Variants in PRTN3 observed in about 807,000 individuals in gnomAD.
PRTN3 encodes the protein proteinase 3.
Under a neutral mutation model 20.7 loss-of-function variants are expected in PRTN3, and 22 were observed. That is an observed-to-expected ratio of 1.06 (90% CI 0.76 to 1.52). The LOEUF (loss-of-function observed/expected upper bound fraction) is 1.52, where lower values mean the gene tolerates loss of function less well. Among genes scored for constraint, PRTN3 ranks in the 40% most tolerant of loss-of-function variants. PRTN3 has a pLI of 0.00. For missense variants in PRTN3, 378 were observed against 359.6 expected (o/e 1.05, Z -0.41); for synonymous variants, 173 against 152.9 (o/e 1.13, Z -0.97).
At chr19:843,425 T>TG in intron 1 of PRTN3, 36 bp from the exon 2 acceptor site, 4 of 1,514,620 alleles carry the variant, frequency 2.6e-6, no homozygotes, top group Non-Finnish European at 3.5e-6. Context: ...CCCTGCAGCC[T>TG]GGGGGCTCCC....
At chr19:842,629 C>T (rs2035461353) in intron 1 of PRTN3, among the ~76,000 whole-genome samples, 1 of 127,654 alleles carries the variant, frequency 7.8e-6, no homozygotes, top group Non-Finnish European at 1.6e-5. Flanking sequence ...CATTCTGTTG[C>T]CAGGCTGGAG....
rs546089443 is a variant in PRTN3, at chr19:847,915, C to T, written c.717C>T (p.Tyr239=). Residue 239 remains tyrosine, a synonymous_variant, in exon 5 of 5, where the codon TAC becomes TAT. Coordinates refer to ENST00000234347, the MANE Select transcript of PRTN3 (RefSeq NM_002777.4). ...FPDFFTRVAL[Y]VDWIRSTLRR... The stretch of plus-strand genomic sequence containing the variant: ...ACTTCTTCACGCGGGTAGCCCTCTA[C>T]GTGGACTGGATCCGTTCCACGCTGC... 111 of 1,608,168 alleles carry T rather than the reference C, an allele frequency of 6.9e-5. No individual in the cohort carries two copies. Among genetic ancestry groups the T allele is most frequent in the South Asian group, 2.8e-4 (25 of 89,866 alleles).
At chr19:841,173 A>C in intron 1 of PRTN3, 104 bp downstream of exon 1, 3 of 1,428,566 alleles carry the variant, frequency 2.1e-6, no homozygotes, top group African/African-American at 2.8e-5. Flanking sequence ...ACAGCTGGGG[A>C]AACTGAGGCA....
intron 1 of PRTN3, among the ~76,000 whole-genome samples, chr19:841,508 G>C (rs570318457): frequency 6.8e-6 from 1 of 147,422 alleles, no homozygotes; most frequent in African/African-American, 2.5e-5. Flanking sequence ...GAGTGAATGA[G>C]TGAACGAATG....
At chr19:841,177 T>A in intron 1 of PRTN3, 108 bp downstream of exon 1, 2 of 1,409,504 alleles carry the variant, frequency 1.4e-6, no homozygotes, top group East Asian at 2.5e-5. Context: ...CTGGGGAAAC[T>A]GAGGCAGGGT....
At chr19:843,783 C>G in intron 2 of PRTN3, 110 bp from the exon 3 acceptor site, 1 of 1,455,010 alleles carries the variant, frequency 6.9e-7, no homozygotes, top group South Asian at 1.4e-5. Context: ...AGGCCCGGGG[C>G]AGGGTCGCCG....
intron 1 of PRTN3, chr19:843,209 C>T: frequency 1.9e-6 from 1 of 522,006 alleles, no homozygotes; most frequent in Non-Finnish European, 3.4e-6. Flanking sequence ...AGCCACTGCA[C>T]CCAGCCACCT....
At position 843,469 on chromosome 19, in the gene PRTN3, C is replaced by A. The variant is rs949121672; in HGVS notation, c.70C>A (p.Arg24=). The part of the protein sequence containing the change: ...LLALLLSGAA[R]AAEIVGGHEA... ...GGACTCCCCCCCTGCAGGTGCTGCC[C>A]GAGCTGCGGAGATCGTGGGCGGGCA... The change falls in exon 2 of 5, where the codon CGA becomes AGA. Residue 24 remains arginine, a synonymous_variant. Coordinates refer to ENST00000234347, the MANE Select transcript of PRTN3 (RefSeq NM_002777.4). 1.0e-5 allele frequency: 16 copies of A among 1,566,918 alleles called. No individual in the cohort carries two copies. The highest frequency in any genetic ancestry group is 1.2e-5 in the Non-Finnish European group (14 of 1,161,148).
chr19:845,636 C>G (rs889897197), intron 3 of PRTN3, among the ~76,000 whole-genome samples: 2 of 151,640 alleles, frequency 1.3e-5, no homozygotes, highest in African/African-American at 4.8e-5. Flanking sequence ...ATTGCTTGAA[C>G]CCAGGAGGCA....
intron 4 of PRTN3, 44 bp from the exon 5 acceptor site, chr19:847,755 C>T (rs1377800869): frequency 1.3e-6 from 2 of 1,566,228 alleles, no homozygotes; most frequent in Non-Finnish European, 1.7e-6. Context: ...TCCAGGGAGA[C>T]TCAGGTGGCC....
At chr19:845,713 TCAA>T (rs2035507276) in intron 3 of PRTN3, among the ~76,000 whole-genome samples, 1 of 85,760 alleles carries the variant, frequency 1.2e-5, no homozygotes. Context: ...AAACTCCATC[TCAA>T]AAAAAAAAAA....
Position 848,154 on chromosome 19 carries a change from C to A in PRTN3, c.*185C>A, listed in dbSNP as rs539966516. 2.4e-5 allele frequency: 17 copies of A among 698,964 alleles called. No individual in the cohort carries two copies. In the Admixed American group the frequency reaches 5.0e-4, roughly 21 times the overall value. The allele number at this position is 698,964 out of a possible 1,614,324, so 43.3% of individuals were successfully genotyped here. A position where few individuals can be genotyped will look rare whatever the true frequency, so the allele number is the denominator to read the frequency against. On this transcript the variant is annotated 3_prime_UTR_variant, in exon 5 of 5. Coordinates refer to ENST00000234347, the MANE Select transcript of PRTN3 (RefSeq NM_002777.4). Reference sequence around the variant, plus strand: ...GGCCCTGCACCTCACCCCACCGTGACCTCAATAAACGTTGAAACTCCCCCT... The same window carrying A: ...GGCCCTGCACCTCACCCCACCGTGAACTCAATAAACGTTGAAACTCCCCCT...
intron 3 of PRTN3, among the ~76,000 whole-genome samples, chr19:844,975 TCTCA>T (rs199970843): frequency 0.014 from 1,885 of 134,664 alleles, 43 homozygotes; most frequent in African/African-American, 0.05. Flanking sequence ...TTAGACAGAG[TCTCA>T]CTCAGTCATC....
At position 846,277 on chromosome 19, in the gene PRTN3, C is replaced by T; in HGVS notation, c.500C>T (p.Ala167Val). The T allele has an allele frequency of 6.3e-7, 1 of 1,587,132 alleles. No homozygotes were observed. Among genetic ancestry groups the T allele is most frequent in the South Asian group, 1.1e-5 (1 of 87,082 alleles). The change falls in exon 4 of 5, where the codon GCC becomes GTC. Residue 167 changes from alanine to valine, a missense_variant. Ala to Val is a moderately conservative substitution (Grantham distance 64). Transcript: ENST00000234347. Reference sequence around the variant, plus strand: ...CGCGTGGGTGCCCACGACCCCCCAGCCCAGGTCCTGCAGGAGCTCAATGTC... The same window carrying T: ...CGCGTGGGTGCCCACGACCCCCCAGTCCAGGTCCTGCAGGAGCTCAATGTC... ...WGRVGAHDPP[A>V]QVLQELNVTV... is the part of the protein sequence containing the mutation.
Position 846,251 on chromosome 19 carries a change from C to T in PRTN3, c.474C>T (p.Gly158=). Reference sequence around the variant, plus strand: ...CCCAGTGCCTGGCCATGGGCTGGGGCCGCGTGGGTGCCCACGACCCCCCAG... The same window carrying T: ...CCCAGTGCCTGGCCATGGGCTGGGGTCGCGTGGGTGCCCACGACCCCCCAG... ...HGTQCLAMGW[G]RVGAHDPPAQ... is the part of the protein sequence containing the mutation. The change falls in exon 4 of 5, where the codon GGC becomes GGT. Residue 158 remains glycine (G), a synonymous_variant. Transcript: ENST00000234347. 1 of 1,562,924 alleles carries T rather than the reference C, an allele frequency of 6.4e-7. No homozygotes were observed. Among genetic ancestry groups the T allele is most frequent in the Non-Finnish European group, 8.7e-7 (1 of 1,154,852 alleles).
rs1453939710 is a variant in PRTN3, at chr19:841,050, G to T, written c.42G>T (p.Leu14=). ...RPPSPALASV[L]LALLLSGAAR... ...CCAGCCCTGCCCTGGCGTCCGTGCTGCTGGCCTTGCTGCTGAGCGGTGAGT... is the reference window on the plus strand; with the variant it reads ...CCAGCCCTGCCCTGGCGTCCGTGCTTCTGGCCTTGCTGCTGAGCGGTGAGT... The change falls in exon 1 of 5, where the codon CTG becomes CTT. Residue 14 remains leucine (L), a synonymous_variant. Transcript: ENST00000234347. 6.2e-7 allele frequency: 1 copy of T among 1,607,018 alleles called. No homozygotes were observed. The highest frequency in any genetic ancestry group is 8.5e-7 in the Non-Finnish European group (1 of 1,179,886).
At chr19:847,755 C>G in intron 4 of PRTN3, 44 bp from the exon 5 acceptor site, 1 of 1,566,228 alleles carries the variant, frequency 6.4e-7, no homozygotes, top group Non-Finnish European at 8.7e-7. Context: ...TCCAGGGAGA[C>G]TCAGGTGGCC....
intron 4 of PRTN3, among the ~76,000 whole-genome samples, 167 bp downstream of exon 4, chr19:846,544 G>A (rs550697063): frequency 2.4e-4 from 37 of 152,290 alleles, no homozygotes; most frequent in African/African-American, 8.2e-4. Flanking sequence ...CAGCGGGGTG[G>A]GGGCGCTCAC....
At position 847,673 on chromosome 19, in the gene PRTN3, C is replaced by T. The variant is rs539261964; in HGVS notation, c.601-126C>T. 2.0e-4 allele frequency: 242 copies of T among 1,197,842 alleles called. No homozygotes were observed. The East Asian group carries it at 2.9e-3, about 14-fold the overall frequency. 74.2% of individuals were successfully genotyped at this position (1,197,842 alleles called of 1,614,324 possible). On this transcript the variant is annotated intron_variant, in intron 4 of 4. Transcript: ENST00000234347. ...CCTTCCTGGCTGCCTGGGGCCAGCC[C>T]GGGTGACTGGCTGTCCCCATCCTCC...
Sources: allele counts gnomAD v4.1 joint callset (sites outside exome capture counted in the v4.1 genomes callset), GRCh38; gene constraint gnomAD v4.1.1; transcripts MANE v1.5; gene names NCBI Gene and HGNC (gene_info 2026-07-23, HGNC 2026-07-21).